The following LIN7A variants were observed in gnomAD, a reference collection of about 807,000 sequenced individuals.
LIN7A encodes the protein lin-7 cell polarity scaffold A.
In LIN7A, 25 loss-of-function variants were observed where a neutral mutation model predicts 29.8. The observed-to-expected ratio is 0.84, with a 90% CI of 0.61 to 1.17. The LOEUF (loss-of-function observed/expected upper bound fraction) is 1.17. Among genes scored for constraint, LIN7A ranks in the 50% most tolerant of loss-of-function variants. The pLI is 0.00. For missense variants in LIN7A, 239 were observed against 287.0 expected, an observed-to-expected ratio of 0.83 and a Z score of 1.21; for synonymous variants, 118 against 107.5, an observed-to-expected ratio of 1.10 and a Z score of -0.60.
chr12:80,846,627 T>A (rs1388740934), intron 3 of LIN7A, among the ~76,000 whole-genome samples: 1 of 152,148 alleles, frequency 6.6e-6, no homozygotes, highest in East Asian at 1.9e-4. Flanking sequence ...TGGAACAGGA[T>A]TTTTCTTCCT....
intron 4 of LIN7A, among the ~76,000 whole-genome samples, chr12:80,839,611 CTT>C (rs916519168): frequency 2.0e-5 from 3 of 152,154 alleles, no homozygotes; most frequent in Admixed American, 6.5e-5. Context: ...TATGTTTTCT[CTT>C]TGTTCCGACA....
chr12:80,814,672 A>T (rs1185800811), intron 4 of LIN7A, among the ~76,000 whole-genome samples: 1 of 152,100 alleles, frequency 6.6e-6, no homozygotes, highest in Non-Finnish European at 1.5e-5. Flanking sequence ...GGTGCACCAC[A>T]CACCAGGCCC....
chr12:80,937,374 G>A (rs1430655485), intron 1 of LIN7A: 4 of 368,704 alleles, frequency 1.1e-5, no homozygotes, highest in African/African-American at 8.3e-5. Context: ...ACCCGGCGAG[G>A]GGCTGGGAGT....
At chr12:80,850,368 T>G (rs1053006874) in intron 2 of LIN7A, among the ~76,000 whole-genome samples, 1 of 152,192 alleles carries the variant, frequency 6.6e-6, no homozygotes. Context: ...ATGTTTAGTA[T>G]GTTTCCAAAA....
At chr12:80,889,191 C>T (rs548102302) in intron 2 of LIN7A, 60 bp downstream of exon 2, 21 of 892,300 alleles carry the variant, frequency 2.4e-5, no homozygotes, top group Non-Finnish European at 3.8e-5. Flanking sequence ...GTAGAGAAGA[C>T]ATGTTTTCTA....
At chr12:80,879,234 T>C (rs1191020687) in intron 2 of LIN7A, among the ~76,000 whole-genome samples, 8 of 151,600 alleles carry the variant, frequency 5.3e-5, no homozygotes, top group Admixed American at 5.3e-4. Context: ...ACTGATATTA[T>C]AGACCTTATT....
chr12:80,872,813 T>G (rs550049226), intron 2 of LIN7A, among the ~76,000 whole-genome samples: 1 of 152,350 alleles, frequency 6.6e-6, no homozygotes, highest in South Asian at 2.1e-4. Flanking sequence ...GAGATCAAAT[T>G]ATTTTCAAAG....
At chr12:80,877,645 G>A (rs1020496947) in intron 2 of LIN7A, among the ~76,000 whole-genome samples, 1 of 152,066 alleles carries the variant, frequency 6.6e-6, no homozygotes, top group Non-Finnish European at 1.5e-5. Context: ...AAGGAAGAGA[G>A]TAAGCTAGTA....
At chr12:80,879,467 T>G (rs1033884590) in intron 2 of LIN7A, among the ~76,000 whole-genome samples, 3 of 152,016 alleles carry the variant, frequency 2.0e-5, no homozygotes, top group Non-Finnish European at 2.9e-5. Flanking sequence ...GACCTCTTTC[T>G]AAATAAAACA....
chr12:80,925,655 T>C (rs1877543425), intron 1 of LIN7A, among the ~76,000 whole-genome samples: 1 of 152,178 alleles, frequency 6.6e-6, no homozygotes, highest in Non-Finnish European at 1.5e-5. Flanking sequence ...TTGAGGGAAA[T>C]TGGAGAGCTA....
At chr12:80,855,674 T>C (rs150954529) in intron 2 of LIN7A, among the ~76,000 whole-genome samples, 16 of 152,118 alleles carry the variant, frequency 1.1e-4, no homozygotes, top group African/African-American at 3.9e-4. Flanking sequence ...TGGGGATCAT[T>C]TGAGGCTCTA....
At chr12:80,862,411 C>A (rs184655234) in intron 2 of LIN7A, among the ~76,000 whole-genome samples, 70 of 152,258 alleles carry the variant, frequency 4.6e-4, no homozygotes, top group African/African-American at 1.7e-3. Flanking sequence ...AAATTCTGAA[C>A]CACTGTTTCT....
At chr12:80,922,432 C>G (rs142154877) in intron 1 of LIN7A, among the ~76,000 whole-genome samples, 1,581 of 152,322 alleles carry the variant, frequency 0.01, 12 homozygotes, top group Non-Finnish European at 0.016. Context: ...GGCACTATTA[C>G]CACTTTTCAC....
chr12:80,832,907 G>A (rs571629284), intron 4 of LIN7A, among the ~76,000 whole-genome samples: 1 of 152,054 alleles, frequency 6.6e-6, no homozygotes, highest in Non-Finnish European at 1.5e-5. Flanking sequence ...GACATTTTTT[G>A]TTGTGGTGAC....
chr12:80,882,633 T>C (rs2091460146), intron 2 of LIN7A, among the ~76,000 whole-genome samples: 1 of 152,178 alleles, frequency 6.6e-6, no homozygotes, highest in Non-Finnish European at 1.5e-5. Context: ...TCTTGACTTA[T>C]TTTAGTAGCT....
chr12:80,807,066 T>TTTTTTTG lies in LIN7A; in HGVS notation c.*4398_*4399insCAAAAAA, dbSNP rs1218785301. ...TAGGAAATTTAATGAAGATGGAGTT[T>TTTTTTTG]TTTTTTTTTTTTTTTTTTTTTTTTT... is the stretch of plus-strand genomic sequence containing the variant. On this transcript the variant is annotated intron_variant, in intron 5 of 5. Coordinates refer to ENST00000552864, the MANE Select transcript of LIN7A (RefSeq NM_004664.4). Among the ~76,000 whole-genome samples, 31 of 50,150 alleles carry TTTTTTTG rather than the reference T, an allele frequency of 6.2e-4. 2 individuals are homozygous for TTTTTTTG. The highest frequency in any genetic ancestry group is 1.2e-3 in the Non-Finnish European group (29 of 25,054). The allele number at this position is 50,150 out of a possible 152,430, so 32.9% of individuals were successfully genotyped here.
Position 80,797,440 on chromosome 12 carries a change from C to T in LIN7A, c.*287G>A, listed in dbSNP as rs1368852853. 6.6e-6 allele frequency: 1 copy of T among 152,582 alleles called. No individual in the cohort carries two copies. Among genetic ancestry groups the T allele is most frequent in the African/African-American group, 2.4e-5 (1 of 41,424 alleles). The allele number at this position is 152,582 out of a possible 1,614,324, so 9.5% of individuals were successfully genotyped here. On this transcript the variant is annotated 3_prime_UTR_variant, in exon 6 of 6. Coordinates refer to ENST00000552864, the MANE Select transcript of LIN7A (RefSeq NM_004664.4). The stretch of plus-strand genomic sequence containing the variant: ...AAAGTCATAGACTTTATTCTTCTTA[C>T]ACTGTTTCAGTTTGCAGACTAGAAA...
intron 1 of LIN7A, among the ~76,000 whole-genome samples, chr12:80,925,818 A>G (rs546098767): frequency 2.0e-5 from 3 of 152,304 alleles, no homozygotes; most frequent in African/African-American, 4.8e-5. Flanking sequence ...TTAAAATGTC[A>G]CTTTACAGTT....
chr12:80,828,365 C>T (rs1160382991), intron 4 of LIN7A, among the ~76,000 whole-genome samples: 1 of 152,000 alleles, frequency 6.6e-6, no homozygotes, highest in African/African-American at 2.4e-5. Flanking sequence ...TAGTTAAATG[C>T]ACCATATATA....
Sources: gnomAD v4.1 joint callset for allele counts (sites outside exome capture counted in the v4.1 genomes callset) on GRCh38, gnomAD v4.1.1 for gene constraint, MANE v1.5 for transcripts, NCBI Gene and HGNC (gene_info 2026-07-23, HGNC 2026-07-21) for gene names.